Variants in PCDHA13 observed in about 807,000 individuals in gnomAD.
PCDHA13 encodes protocadherin alpha 13.
A neutral mutation model predicts 64.8 loss-of-function variants in PCDHA13; 54 were observed. That is an observed-to-expected ratio of 0.83 (90% confidence interval 0.67 to 1.04). PCDHA13 has a LOEUF of 1.04. Among genes scored for constraint, PCDHA13 ranks in the 50% least tolerant of loss-of-function variants. The probability of loss-of-function intolerance (pLI) is 0.00; values close to 1 mark genes in which losing one functional copy is unlikely to be tolerated. For synonymous variants in PCDHA13, 587 were observed against 564.4 expected, an observed-to-expected ratio of 1.04 and a Z score of -0.57; for missense variants, 1,248 against 1,254.3, an observed-to-expected ratio of 0.99 and a Z score of 0.08.
intron 1 of PCDHA13, among the ~76,000 whole-genome samples, chr5:140,932,112 T>C (rs1211067626): frequency 6.6e-6 from 1 of 151,944 alleles, no homozygotes; most frequent in African/African-American, 2.4e-5. Flanking sequence ...GTATTTCCAA[T>C]TGATAATATT....
chr5:140,960,886 A>G (rs1161636963), intron 1 of PCDHA13, among the ~76,000 whole-genome samples: 1 of 152,198 alleles, frequency 6.6e-6, no homozygotes, highest in African/African-American at 2.4e-5. Context: ...CACACTAATG[A>G]ATTTGGGGCA....
intron 1 of PCDHA13, among the ~76,000 whole-genome samples, chr5:140,945,912 A>G (rs1351762760): frequency 2.0e-5 from 3 of 152,132 alleles, no homozygotes; most frequent in African/African-American, 7.2e-5. Flanking sequence ...TGAAAGATCA[A>G]TAACACTGAT....
At chr5:140,926,143 C>A (rs2082940711) in intron 1 of PCDHA13, among the ~76,000 whole-genome samples, 1 of 152,068 alleles carries the variant, frequency 6.6e-6, no homozygotes, top group African/African-American at 2.4e-5. Context: ...CAGGATCCAG[C>A]GCGGAAAGCT....
Position 140,882,277 on chromosome 5 carries a change from T to C in PCDHA13, c.9T>C (p.Ser3=). 3 of 1,612,528 alleles carry C rather than the reference T, an allele frequency of 1.9e-6. No homozygotes were observed. Among genetic ancestry groups the C allele is most frequent in the African/African-American group, 1.3e-5 (1 of 75,048 alleles). The change falls in exon 1 of 4, where the codon TCT becomes TCC. Residue 3 remains serine, a synonymous_variant. Transcript: ENST00000289272. ML[S]SWQGGPRPRQ... ...GGTTTTTGGAGTGTACCATGCTGTC[T>C]TCCTGGCAAGGAGGCCCAAGACCGC...
intron 1 of PCDHA13, among the ~76,000 whole-genome samples, chr5:140,915,164 G>T (rs782783727): frequency 2.6e-5 from 4 of 152,026 alleles, no homozygotes; most frequent in Non-Finnish European, 4.4e-5. Flanking sequence ...GGCCAGGATA[G>T]TCTCGATCTC....
chr5:140,932,790 A>G (rs917083739), intron 1 of PCDHA13, among the ~76,000 whole-genome samples: 21 of 152,066 alleles, frequency 1.4e-4, no homozygotes, highest in African/African-American at 5.1e-4. Flanking sequence ...GACATAAGAG[A>G]AAAGCAATAC....
chr5:140,963,365 T>C (rs2095759439), intron 1 of PCDHA13, among the ~76,000 whole-genome samples: 1 of 152,254 alleles, frequency 6.6e-6, no homozygotes. Flanking sequence ...CAAAGAACAT[T>C]AATTGAGCAC....
intron 3 of PCDHA13, among the ~76,000 whole-genome samples, chr5:141,005,701 CAAAA>C (rs59860837): frequency 2.6e-4 from 2 of 7,790 alleles, no homozygotes; most frequent in African/African-American, 4.7e-4. Flanking sequence ...AACTCCGTCT[CAAAA>C]AAAAAAAAAA....
At chr5:140,970,082 G>C (rs1203003794) in intron 1 of PCDHA13, among the ~76,000 whole-genome samples, 1 of 152,178 alleles carries the variant, frequency 6.6e-6, no homozygotes, top group Non-Finnish European at 1.5e-5. Context: ...TGGATTAGGG[G>C]TGTGGGGGGA....
In PCDHA13 at chr5:140,982,464, T is replaced by C; in HGVS notation, c.2454-11T>C. 6.2e-7 allele frequency: 1 copy of C among 1,614,112 alleles called. No individual in the cohort carries two copies. Among genetic ancestry groups the C allele is most frequent in the Non-Finnish European group, 8.5e-7 (1 of 1,180,010 alleles). ...GATCTAACCGTTATCTGGGTCTGTG[T>C]GTTTATTCAGCTCTGTGCACCTAGA... On this transcript the variant is annotated splice_polypyrimidine_tract_variant and intron_variant, in intron 2 of 3. Coordinates refer to ENST00000289272, the MANE Select transcript of PCDHA13 (RefSeq NM_018904.3).
intron 1 of PCDHA13, among the ~76,000 whole-genome samples, chr5:140,937,875 G>GCATGGCGCCCAGGCGC (rs1467494060): frequency 1.3e-5 from 2 of 150,442 alleles, no homozygotes; most frequent in African/African-American, 4.9e-5. Context: ...TCGCGCCACT[G>GCATGGCGCCCAGGCGC]CACTCCAGCC....
chr5:140,997,668 TTGTG>T lies in PCDHA13; in HGVS notation c.2543-11933_2543-11930del, dbSNP rs35184029. On this transcript the variant is annotated intron_variant, in intron 3 of 3. Coordinates refer to ENST00000289272, the MANE Select transcript of PCDHA13 (RefSeq NM_018904.3). ...AATGCAATATGTATTATTATACAGC[TTGTG>T]TGTGTGTGTGTGTGTGTGTGTGTGT... Among the ~76,000 whole-genome samples, 716 of 148,202 alleles carry T rather than the reference TTGTG, an allele frequency of 4.8e-3. 2 individuals carry two copies. The highest frequency in any genetic ancestry group is 0.01 in the Middle Eastern group (3 of 294).
In PCDHA13 at chr5:141,010,847, A is replaced by C. The variant is rs2098418553; in HGVS notation, c.*910A>C. 6.5e-6 allele frequency: 1 copy of C among 153,782 alleles called. No homozygotes were observed. Among genetic ancestry groups the C allele is most frequent in the Non-Finnish European group, 1.5e-5 (1 of 68,062 alleles). The allele number at this position is 153,782 out of a possible 1,614,324, so 9.5% of individuals were successfully genotyped here. A position where few individuals can be genotyped will look rare whatever the true frequency, so the allele number is the denominator to read the frequency against. ...TTGTTGTTTCATAGATTTATTTAAA[A>C]AAAGAGAAAGTCTATAGCTATAAAT... On this transcript the variant is annotated 3_prime_UTR_variant, in exon 4 of 4. Transcript: ENST00000289272.
Position 140,920,446 on chromosome 5 carries a change from A to G in PCDHA13, c.2394+35784A>G, listed in dbSNP as rs2079636964. 2.6e-5 allele frequency among the ~76,000 whole-genome samples: 4 copies of G among 152,114 alleles called. No homozygotes were observed. In the South Asian group the frequency reaches 8.3e-4, roughly 31 times the overall value. On this transcript the variant is annotated intron_variant, in intron 1 of 3. Coordinates refer to ENST00000289272, the MANE Select transcript of PCDHA13 (RefSeq NM_018904.3). ...CTCCCACACACCTCTTTTATACTGT[A>G]ATTGACAAATTTGTTATATTTCTGT...
intron 3 of PCDHA13, among the ~76,000 whole-genome samples, chr5:141,007,874 T>TA (rs2098349969): frequency 6.6e-6 from 1 of 152,244 alleles, no homozygotes; most frequent in African/African-American, 2.4e-5. Flanking sequence ...TCCTTTGTCT[T>TA]ACACTTCTTT....
At chr5:140,915,368 T>G (rs1281630689) in intron 1 of PCDHA13, among the ~76,000 whole-genome samples, 1 of 152,216 alleles carries the variant, frequency 6.6e-6, no homozygotes, top group Non-Finnish European at 1.5e-5. Flanking sequence ...TACCAGTAAG[T>G]GTCTCGGCAT....
chr5:140,982,441 T>G (rs368663739), intron 2 of PCDHA13, 34 bp from the exon 3 acceptor site: 18 of 1,613,728 alleles, frequency 1.1e-5, no homozygotes, highest in Non-Finnish European at 1.5e-5. Flanking sequence ...GAATTTATGA[T>G]CTAACCGTTA....
intron 3 of PCDHA13, among the ~76,000 whole-genome samples, chr5:140,989,715 G>A (rs2097356088): frequency 6.6e-6 from 1 of 152,166 alleles, no homozygotes; most frequent in Non-Finnish European, 1.5e-5. Flanking sequence ...GAGGCAGTCA[G>A]CTTTGCAGTT....
chr5:140,977,640 G>A (rs2096769670), intron 1 of PCDHA13, among the ~76,000 whole-genome samples: 1 of 152,124 alleles, frequency 6.6e-6, no homozygotes, highest in South Asian at 2.1e-4. Flanking sequence ...CTTTTTCTGG[G>A]CCTTGACTTT....
Sources: allele counts gnomAD v4.1 joint callset (sites outside exome capture counted in the v4.1 genomes callset), GRCh38; gene constraint gnomAD v4.1.1; transcripts MANE v1.5; gene names NCBI Gene and HGNC (gene_info 2026-07-23, HGNC 2026-07-21).